Variants in KLHL1 observed in about 807,000 individuals in gnomAD.
KLHL1 encodes the protein kelch-like protein 1.
A neutral mutation model predicts 77.7 loss-of-function variants in KLHL1; 47 were observed. The observed-to-expected ratio is 0.60, with a 90% CI of 0.48 to 0.77. KLHL1 has a LOEUF of 0.77. KLHL1 is among the 30% of genes least tolerant of loss of function. The probability of loss-of-function intolerance (pLI) is 0.00; values close to 1 mark genes in which losing one functional copy is unlikely to be tolerated. For synonymous variants in KLHL1, 360 were observed against 325.2 expected (o/e 1.11, Z -1.15); for missense variants, 925 against 910.8 (o/e 1.02, Z -0.20).
intron 1 of KLHL1, among the ~76,000 whole-genome samples, chr13:70,030,970 A>G (rs531173568): frequency 6.6e-6 from 1 of 152,324 alleles, no homozygotes; most frequent in African/African-American, 2.4e-5. Flanking sequence ...AAACACTTCT[A>G]TGCAAATAAA....
intron 4 of KLHL1, among the ~76,000 whole-genome samples, chr13:69,888,742 CACCCATTT>C (rs934556768): frequency 8.6e-5 from 13 of 151,658 alleles, no homozygotes; most frequent in Admixed American, 7.9e-4. Context: ...TCTTTTAAGC[CACCCATTT>C]TGTGGAACTT....
At chr13:69,857,370 A>G (rs1041453321) in intron 5 of KLHL1, among the ~76,000 whole-genome samples, 2 of 151,884 alleles carry the variant, frequency 1.3e-5, no homozygotes, top group African/African-American at 4.8e-5. Context: ...CTTGCCTCAA[A>G]TTTACCTTCA....
intron 4 of KLHL1, among the ~76,000 whole-genome samples, chr13:69,902,626 A>C (rs1263351508): frequency 2.0e-5 from 3 of 152,130 alleles, no homozygotes; most frequent in African/African-American, 7.2e-5. Context: ...TGAAGCTGGA[A>C]ACCATCATTC....
Position 69,986,747 on chromosome 13 carries a change from T to A in KLHL1, c.498-10945A>T, listed in dbSNP as rs546554788. Among the ~76,000 whole-genome samples the A allele has an allele frequency of 2.6e-5, 4 of 152,078 alleles. No homozygotes were observed. In the East Asian group the frequency reaches 7.7e-4, roughly 29 times the overall value. ...TTTTGCTTACATAATTCTATACTCT[T>A]AGAGATGAGTTAGTGTTGAGGGGAC... is the stretch of plus-strand genomic sequence containing the variant. On this transcript the variant is annotated intron_variant, in intron 1 of 10. Transcript: ENST00000377844.
rs544782126 is a variant in KLHL1, at chr13:70,104,765, C to A, written c.497+2438G>T. Among the ~76,000 whole-genome samples, 11 of 152,108 alleles carry A rather than the reference C, an allele frequency of 7.2e-5. No homozygotes were observed. In the South Asian group the frequency reaches 2.1e-3, roughly 29 times the overall value. ...ATGTAGTCACTGATCATCATAAACA[C>A]CATGTAGCTTTTCTGGATGTGCTGT... On this transcript the variant is annotated intron_variant, in intron 1 of 10. Transcript: ENST00000377844.
intron 1 of KLHL1, among the ~76,000 whole-genome samples, chr13:69,996,076 G>T (rs534280015): frequency 6.6e-6 from 1 of 152,024 alleles, no homozygotes; most frequent in Non-Finnish European, 1.5e-5. Context: ...AGGTCAATGC[G>T]GGAGGATCAT....
intron 6 of KLHL1, among the ~76,000 whole-genome samples, chr13:69,826,305 G>A (rs1275275167): frequency 6.6e-6 from 1 of 152,168 alleles, no homozygotes; most frequent in African/African-American, 2.4e-5. Context: ...TTGTCTATTT[G>A]AAAATTGGTG....
At chr13:69,749,887 T>C (rs1874396559) in intron 7 of KLHL1, among the ~76,000 whole-genome samples, 1 of 151,930 alleles carries the variant, frequency 6.6e-6, no homozygotes, top group African/African-American at 2.4e-5. Flanking sequence ...CTAAATATAT[T>C]CTAAGCTCTA....
At chr13:70,007,893 A>G (rs1885442900) in intron 1 of KLHL1, among the ~76,000 whole-genome samples, 2 of 152,120 alleles carry the variant, frequency 1.3e-5, no homozygotes, top group South Asian at 2.1e-4. Context: ...CCTGAGTCCT[A>G]CAGATAATTT....
At chr13:69,812,704 A>C (rs1349873753) in intron 6 of KLHL1, among the ~76,000 whole-genome samples, 2 of 151,686 alleles carry the variant, frequency 1.3e-5, no homozygotes, top group African/African-American at 4.9e-5. Context: ...ATGCAGCCAA[A>C]AAACACATGA....
chr13:70,019,645 A>G (rs978912651), intron 1 of KLHL1, among the ~76,000 whole-genome samples: 2 of 152,204 alleles, frequency 1.3e-5, no homozygotes, highest in Non-Finnish European at 2.9e-5. Context: ...ACAAATGATG[A>G]AATTGAGCAA....
intron 6 of KLHL1, among the ~76,000 whole-genome samples, chr13:69,811,149 T>G (rs1055636621): frequency 6.6e-6 from 1 of 151,914 alleles, no homozygotes; most frequent in Non-Finnish European, 1.5e-5. Flanking sequence ...GATAGCAAAA[T>G]CTGGTAAAGA....
At chr13:69,708,591 C>T (rs1339866959) in intron 9 of KLHL1, among the ~76,000 whole-genome samples, 3 of 151,892 alleles carry the variant, frequency 2.0e-5, no homozygotes, top group Non-Finnish European at 4.4e-5. Flanking sequence ...AGTCAGAAGA[C>T]TGAACTTATT....
intron 8 of KLHL1, among the ~76,000 whole-genome samples, chr13:69,729,159 C>A (rs55682423): frequency 6.6e-6 from 1 of 152,128 alleles, no homozygotes; most frequent in Non-Finnish European, 1.5e-5. Flanking sequence ...CACCACACAT[C>A]GACGTTTATT....
intron 8 of KLHL1, among the ~76,000 whole-genome samples, chr13:69,737,645 A>G (rs1593786025): frequency 6.6e-6 from 1 of 152,320 alleles, no homozygotes; most frequent in East Asian, 1.9e-4. Context: ...TGCTTCTTTA[A>G]GCAGGACCCT....
intron 3 of KLHL1, among the ~76,000 whole-genome samples, chr13:69,945,502 TAA>T (rs1303079748): frequency 2.0e-5 from 3 of 148,604 alleles, no homozygotes. Flanking sequence ...ATTAAAGGAA[TAA>T]AAAGATGAAC....
At chr13:70,043,838 T>C (rs146942335) in intron 1 of KLHL1, among the ~76,000 whole-genome samples, 318 of 152,252 alleles carry the variant, frequency 2.1e-3, no homozygotes, top group African/African-American at 7.2e-3. Flanking sequence ...CTATGCCCAT[T>C]GTTAAACAGC....
intron 7 of KLHL1, among the ~76,000 whole-genome samples, chr13:69,789,518 A>AAAATGACATAAACAGTAT (rs1249927450): frequency 1.3e-5 from 2 of 152,160 alleles, no homozygotes; most frequent in African/African-American, 4.8e-5. Context: ...TTGTACAATT[A>AAAATGACATAAACAGTAT]AAATGACATA....
chr13:70,024,947 C>A (rs1226439702), intron 1 of KLHL1, among the ~76,000 whole-genome samples: 1 of 151,816 alleles, frequency 6.6e-6, no homozygotes, highest in Non-Finnish European at 1.5e-5. Flanking sequence ...AATAGCTAAC[C>A]CTTTATAAGC....
Sources: allele counts gnomAD v4.1 joint callset (sites outside exome capture counted in the v4.1 genomes callset), GRCh38; gene constraint gnomAD v4.1.1; transcripts MANE v1.5; gene names NCBI Gene and HGNC (gene_info 2026-07-23, HGNC 2026-07-21).